RIMS1: variants seen among roughly 807,000 people sequenced by gnomAD.
RIMS1 encodes the protein regulating synaptic membrane exocytosis 1.
In RIMS1, 83 loss-of-function variants were observed where a neutral mutation model predicts 214.1. The observed-to-expected ratio is 0.39, with a 90% confidence interval of 0.32 to 0.47. The LOEUF is 0.47. RIMS1 is among the 20% of genes least tolerant of loss of function. The pLI is 0.99. For synonymous variants in RIMS1, 793 were observed against 786.8 expected, an observed-to-expected ratio of 1.01 and a Z score of -0.13; for missense variants, 2,050 against 2,161.8, an observed-to-expected ratio of 0.95 and a Z score of 1.03.
At chr6:72,278,049 C>A (rs1473618667) in intron 23 of RIMS1, among the ~76,000 whole-genome samples, 1 of 151,886 alleles carries the variant, frequency 6.6e-6, no homozygotes, top group Non-Finnish European at 1.5e-5. Flanking sequence ...CAAGAAAATG[C>A]AATATTTTCA....
intron 1 of RIMS1, among the ~76,000 whole-genome samples, chr6:71,915,855 G>T (rs532307275): frequency 9.2e-5 from 14 of 152,210 alleles, no homozygotes; most frequent in Middle Eastern, 3.4e-3. Flanking sequence ...AATCATGGCA[G>T]AAGGCAAAGG....
chr6:72,018,165 A>T (rs892287504), intron 2 of RIMS1, among the ~76,000 whole-genome samples: 2 of 151,786 alleles, frequency 1.3e-5, no homozygotes, highest in African/African-American at 4.9e-5. Context: ...AGTAATATAG[A>T]TGAGAGGCAA....
At chr6:72,122,634 A>G (rs1286742396) in intron 4 of RIMS1, among the ~76,000 whole-genome samples, 1 of 151,682 alleles carries the variant, frequency 6.6e-6, no homozygotes, top group South Asian at 2.1e-4. Context: ...TAGGGTATTA[A>G]TTATTGCCTC....
intron 1 of RIMS1, among the ~76,000 whole-genome samples, chr6:71,939,019 G>T (rs1195420285): frequency 6.6e-6 from 1 of 152,134 alleles, no homozygotes; most frequent in Non-Finnish European, 1.5e-5. Flanking sequence ...CCACCCAGCA[G>T]CCTGAATGCT....
At chr6:72,333,570 T>C in intron 28 of RIMS1, 30 bp from the exon 29 acceptor site, 1 of 1,451,050 alleles carries the variant, frequency 6.9e-7, no homozygotes, top group Non-Finnish European at 9.5e-7. Flanking sequence ...AATTTATGGA[T>C]GCATATATGT....
intron 1 of RIMS1, among the ~76,000 whole-genome samples, chr6:71,911,210 T>C (rs1461061333): frequency 1.3e-5 from 2 of 152,142 alleles, no homozygotes; most frequent in African/African-American, 4.8e-5. Flanking sequence ...AGGGCCATGT[T>C]GCATTAAAAA....
At chr6:72,249,722 G>T (rs570612754) in intron 12 of RIMS1, among the ~76,000 whole-genome samples, 151 of 152,172 alleles carry the variant, frequency 9.9e-4, no homozygotes, top group African/African-American at 3.6e-3. Flanking sequence ...AGTGAGCTAT[G>T]ATCATGCCAC....
intron 4 of RIMS1, among the ~76,000 whole-genome samples, chr6:72,170,483 A>C (rs964011525): frequency 6.6e-6 from 1 of 152,208 alleles, no homozygotes. Flanking sequence ...AGCTGGGATT[A>C]CAGGTGCCCA....
intron 29 of RIMS1, among the ~76,000 whole-genome samples, chr6:72,368,512 T>C (rs898261954): frequency 7.9e-5 from 12 of 151,652 alleles, no homozygotes; most frequent in Non-Finnish European, 1.6e-4. Flanking sequence ...GCCAGGATGG[T>C]CTCGATCTCC....
intron 2 of RIMS1, among the ~76,000 whole-genome samples, chr6:72,053,487 A>C (rs921079707): frequency 6.6e-6 from 1 of 152,146 alleles, no homozygotes; most frequent in Admixed American, 6.5e-5. Context: ...GATTGTTTTG[A>C]CCATGAGATA....
chr6:72,349,988 G>C (rs771752024), intron 29 of RIMS1, among the ~76,000 whole-genome samples: 20 of 152,100 alleles, frequency 1.3e-4, no homozygotes, highest in Non-Finnish European at 2.8e-4. Flanking sequence ...GTTGTGAATA[G>C]CAAGGAAAAT....
rs549340894 is a variant in RIMS1, at chr6:71,906,357, C to A, written c.164+19170C>A. Among the ~76,000 whole-genome samples, 86 of 152,202 alleles carry A rather than the reference C, an allele frequency of 5.7e-4. 2 individuals carry two copies. Among genetic ancestry groups the A allele is most frequent in the Middle Eastern group, 3.4e-3 (1 of 294 alleles). The stretch of plus-strand genomic sequence containing the variant: ...GTCATAATCAACAAATAACATTACA[C>A]CAACAGCAAAAAGTGCTCATATGTG... On this transcript the variant is annotated intron_variant, in intron 1 of 33. Coordinates refer to ENST00000521978, the MANE Select transcript of RIMS1 (RefSeq NM_014989.7).
intron 23 of RIMS1, among the ~76,000 whole-genome samples, chr6:72,276,830 T>G (rs2086718626): frequency 6.6e-6 from 1 of 152,172 alleles, no homozygotes; most frequent in Non-Finnish European, 1.5e-5. Flanking sequence ...ACGTTGGCAT[T>G]TCATTTCTCA....
At chr6:71,910,210 TAG>T (rs1416458484) in intron 1 of RIMS1, among the ~76,000 whole-genome samples, 1 of 152,134 alleles carries the variant, frequency 6.6e-6, no homozygotes, top group Non-Finnish European at 1.5e-5. Context: ...TAATGTCTGT[TAG>T]ATAAGCTGAC....
At chr6:72,238,526 A>G (rs2065266189) in intron 9 of RIMS1, among the ~76,000 whole-genome samples, 1 of 152,154 alleles carries the variant, frequency 6.6e-6, no homozygotes, top group South Asian at 2.1e-4. Context: ...GACACAATGA[A>G]ATTATTTAAT....
At chr6:72,228,636 T>C (rs4301270) in intron 6 of RIMS1, among the ~76,000 whole-genome samples, 107,039 of 151,826 alleles carry the variant, frequency 0.71, 38,622 homozygotes, top group East Asian at 0.98. Context: ...GGAATGCAGA[T>C]ATATCTTTGA....
At chr6:72,397,026 A>C (rs1236216110) in intron 31 of RIMS1, among the ~76,000 whole-genome samples, 3 of 152,090 alleles carry the variant, frequency 2.0e-5, no homozygotes, top group East Asian at 1.9e-4. Context: ...TAAATAAATA[A>C]ATAAATAAAG....
At chr6:71,999,029 TA>T (rs1344057869) in intron 2 of RIMS1, among the ~76,000 whole-genome samples, 1 of 152,090 alleles carries the variant, frequency 6.6e-6, no homozygotes, top group Non-Finnish European at 1.5e-5. Context: ...CAATTCAAGT[TA>T]GGATATTGTT....
At chr6:72,263,734 C>G in intron 19 of RIMS1, 1 of 984,788 alleles carries the variant, frequency 1.0e-6, no homozygotes, top group Non-Finnish European at 1.2e-6. Context: ...GAAGCTGAAG[C>G]GGGCAGATCA....
Sources: gnomAD v4.1 joint callset for allele counts (sites outside exome capture counted in the v4.1 genomes callset) on GRCh38, gnomAD v4.1.1 for gene constraint, MANE v1.5 for transcripts, NCBI Gene and HGNC (gene_info 2026-07-23, HGNC 2026-07-21) for gene names.